CDH23: variants seen among roughly 807,000 people sequenced by gnomAD.
CDH23 encodes the protein cadherin related 23, also known as cadherin-23.
A neutral mutation model predicts 317.1 loss-of-function variants in CDH23; 189 were observed. The observed-to-expected ratio is 0.60, with a 90% CI of 0.53 to 0.67. The LOEUF is 0.67. Ranked by LOEUF, CDH23 falls within the 30% of genes least tolerant of loss-of-function variation. CDH23 has a pLI of 0.00. For synonymous variants in CDH23, 1,839 were observed against 1,876.8 expected (o/e 0.98, Z 0.52); for missense variants, 4,401 against 4,592.4 (o/e 0.96, Z 1.20).
At chr10:71,659,943 T>G (rs1383449789) in intron 14 of CDH23, among the ~76,000 whole-genome samples, 1 of 150,856 alleles carries the variant, frequency 6.6e-6, no homozygotes, top group East Asian at 1.9e-4. Context: ...TTCTTTTCTT[T>G]TCTTTTCTTT....
intron 9 of CDH23, among the ~76,000 whole-genome samples, chr10:71,613,686 C>T: frequency 6.6e-6 from 1 of 152,208 alleles, no homozygotes; most frequent in East Asian, 1.9e-4. Context: ...GACTTTTTCC[C>T]TAGTTAATCC....
At chr10:71,755,213 C>A in intron 38 of CDH23, 1 of 817,436 alleles carries the variant, frequency 1.2e-6, no homozygotes, top group Non-Finnish European at 2.0e-6. Context: ...TCGCCCAGCT[C>A]CTGGCGGGAA....
At chr10:71,711,467 T>C (rs2132756818) in intron 27 of CDH23, among the ~76,000 whole-genome samples, 1 of 152,188 alleles carries the variant, frequency 6.6e-6, no homozygotes, top group Non-Finnish European at 1.5e-5. Context: ...TGCCTGGACA[T>C]GCAGCGCTGG....
rs191759543 is a variant in CDH23, at chr10:71,740,869, C to A, written c.4536C>A (p.Ile1512=). The A allele has an allele frequency of 1.7e-5, 27 of 1,613,948 alleles. No individual in the cohort carries two copies. The East Asian group carries it at 3.8e-4, about 23-fold the overall frequency. ...CCCCTCCACGGAAGAAGGACCACAT[C>A]CTGCAGGTGACCATCCTGGACATCA... The part of the protein sequence containing the change: ...RGTPPRKKDH[I]LQVTILDIND... Residue 1512 remains isoleucine (I), a synonymous_variant, in exon 37 of 70, where the codon ATC becomes ATA. Coordinates refer to ENST00000224721, the MANE Select transcript of CDH23 (RefSeq NM_022124.6).
rs944054342 is a variant in CDH23, at chr10:71,808,062, T to C, written c.8722+55T>C. On this transcript the variant is annotated intron_variant, in intron 60 of 69. Transcript: ENST00000224721. ...TAGCCATGACCTCTCAGTCACTGCA[T>C]GGACTGTCATCTGGGGGGAGATGGG... The C allele has an allele frequency of 1.4e-5, 21 of 1,547,460 alleles. No homozygotes were observed. In the African/African-American group the frequency reaches 2.7e-4, roughly 20 times the overall value.
chr10:71,699,265 A>G (rs1205046553), intron 22 of CDH23, among the ~76,000 whole-genome samples: 1 of 152,230 alleles, frequency 6.6e-6, no homozygotes, highest in African/African-American at 2.4e-5. Context: ...CCCCTAGCTC[A>G]GCCAGGAGGT....
intron 1 of CDH23, among the ~76,000 whole-genome samples, chr10:71,409,243 G>A (rs1040486212): frequency 3.3e-4 from 51 of 152,262 alleles, no homozygotes; most frequent in African/African-American, 8.9e-4. Flanking sequence ...TGTGGGGTCC[G>A]TCATGAAGCT....
chr10:71,675,185 C>G lies in CDH23; in HGVS notation c.1514+9C>G. On this transcript the variant is annotated intron_variant, in intron 15 of 69. Transcript: ENST00000224721. ...AGTGATGACCCTGACAGGTGAGACT[C>G]TGCCCACAGCCCCTCAGGCCCCTCC... 6.2e-7 allele frequency: 1 copy of G among 1,612,794 alleles called. No individual in the cohort carries two copies. Among genetic ancestry groups the G allele is most frequent in the Non-Finnish European group, 8.5e-7 (1 of 1,178,836 alleles).
chr10:71,770,439 C>CGGA (rs1840660298), intron 38 of CDH23, among the ~76,000 whole-genome samples: 1 of 113,008 alleles, frequency 8.8e-6, no homozygotes, highest in South Asian at 3.0e-4. Flanking sequence ...AGGGGCTGTA[C>CGGA]GGAAGCCCTG....
intron 14 of CDH23, chr10:71,647,185 G>A (rs1564708197): frequency 5.3e-6 from 4 of 755,218 alleles, no homozygotes; most frequent in Non-Finnish European, 6.5e-6. Context: ...ATTTCAGGCC[G>A]GGCTCGGTGG....
intron 11 of CDH23, among the ~76,000 whole-genome samples, chr10:71,635,726 C>T (rs4746090): frequency 0.9 from 136,563 of 151,796 alleles, 61,569 homozygotes; most frequent in East Asian, 1. Flanking sequence ...AGAAGAGGGA[C>T]AGAAGAAGGA....
intron 48 of CDH23, chr10:71,796,209 C>A: frequency 1.8e-6 from 1 of 567,006 alleles, no homozygotes; most frequent in Non-Finnish European, 2.2e-6. Context: ...TGGGATGAAG[C>A]CAATGGGAGG....
At position 71,510,967 on chromosome 10, in the gene CDH23, T is replaced by TCACC. The variant is rs1470508986; in HGVS notation, c.303_306dup (p.Val103HisfsTer26). On this transcript the variant is annotated frameshift_variant, in exon 5 of 70. Coordinates refer to ENST00000224721, the MANE Select transcript of CDH23 (RefSeq NM_022124.6). LOFTEE classifies it high-confidence loss of function. ...CTTTTCTTTCAGACCAAGTCAGAGTTCACCGTGGAGTTCTCTGTCAGCGAC... is the reference window on the plus strand; with the variant it reads ...CTTTTCTTTCAGACCAAGTCAGAGTTCACCCACCGTGGAGTTCTCTGTCAGCGAC... 1.2e-6 allele frequency: 2 copies of TCACC among 1,613,810 alleles called. No homozygotes were observed. The highest frequency in any genetic ancestry group is 1.7e-6 in the Non-Finnish European group (2 of 1,179,876).
At chr10:71,716,489 C>G (rs1011622456) in intron 28 of CDH23, 9 of 631,960 alleles carry the variant, frequency 1.4e-5, no homozygotes, top group Non-Finnish European at 2.4e-5. Flanking sequence ...GTTAAGACAG[C>G]AAGGTCCAGA....
intron 18 of CDH23, among the ~76,000 whole-genome samples, chr10:71,685,108 A>C (rs1564731373): frequency 6.6e-6 from 1 of 152,156 alleles, no homozygotes; most frequent in Non-Finnish European, 1.5e-5. Context: ...GGTCATCCCT[A>C]TCCACATATG....
intron 8 of CDH23, among the ~76,000 whole-genome samples, chr10:71,575,975 G>A (rs1299656622): frequency 1.3e-5 from 2 of 152,208 alleles, no homozygotes; most frequent in African/African-American, 4.8e-5. Context: ...GCCTGTCAGA[G>A]CTTGCTTCGT....
chr10:71,676,446 G>A (rs921260859), intron 15 of CDH23, among the ~76,000 whole-genome samples: 2 of 151,540 alleles, frequency 1.3e-5, no homozygotes, highest in Non-Finnish European at 2.9e-5. Context: ...GGCCAACATG[G>A]TGAAACCCCA....
chr10:71,798,520 C>T lies in CDH23; in HGVS notation c.6996C>T (p.Thr2332=). 3 of 1,613,866 alleles carry T rather than the reference C, an allele frequency of 1.9e-6. No individual in the cohort carries two copies. Among genetic ancestry groups the T allele is most frequent in the Non-Finnish European group, 2.5e-6 (3 of 1,179,806 alleles). ...ACAAGGGCCTTAATGGGCTGGTCAC[C>T]TACACCCTGCTGGACCTGGTGCCCC... The part of the protein sequence containing the change: ...DPDKGLNGLV[T]YTLLDLVPPG... Residue 2332 remains threonine (T), a synonymous_variant, in exon 50 of 70, where the codon ACC becomes ACT. Transcript: ENST00000224721.
chr10:71,478,744 A>G (rs946609890), intron 3 of CDH23, among the ~76,000 whole-genome samples: 6 of 152,124 alleles, frequency 3.9e-5, no homozygotes, highest in African/African-American at 1.2e-4. Flanking sequence ...CCCAAATTCA[A>G]TGGTACATTA....
Sources: allele counts gnomAD v4.1 joint callset (sites outside exome capture counted in the v4.1 genomes callset), GRCh38; gene constraint gnomAD v4.1.1; transcripts MANE v1.5; gene names NCBI Gene and HGNC (gene_info 2026-07-23, HGNC 2026-07-21).